The following AASS variants were observed in gnomAD, a reference collection of about 807,000 sequenced individuals.
AASS encodes the protein aminoadipate-semialdehyde synthase.
A neutral mutation model predicts 105.4 loss-of-function variants in AASS; 86 were observed. The observed-to-expected ratio is 0.82, with a 90% CI of 0.69 to 0.98. The LOEUF (loss-of-function observed/expected upper bound fraction) is 0.98, where lower values mean the gene tolerates loss of function less well. Ranked by LOEUF, AASS falls within the 50% of genes least tolerant of loss-of-function variation. The pLI is 0.00. For missense variants in AASS, 1,048 were observed against 1,143.2 expected (o/e 0.92, Z 1.20); for synonymous variants, 381 against 394.8 (o/e 0.96, Z 0.41).
At position 122,141,658 on chromosome 7, in the gene AASS, C is replaced by CAAAA. The variant is rs67469054; in HGVS notation, c.-16+2499_-16+2502dup. Among the ~76,000 whole-genome samples the CAAAA allele has an allele frequency of 1.5e-3, 139 of 94,624 alleles. 2 individuals carry two copies. Among genetic ancestry groups the CAAAA allele is most frequent in the African/African-American group, 4.9e-3 (133 of 27,202 alleles). The allele number at this position is 94,624 out of a possible 152,430, so 62.1% of individuals were successfully genotyped here. Reference sequence around the variant, plus strand: ...AGAGACTCACATCCCCCTAACCCTGCAAAAAAAAAAAAAAAAAAAAAAAAA... The same window carrying CAAAA: ...AGAGACTCACATCCCCCTAACCCTGCAAAAAAAAAAAAAAAAAAAAAAAAAAAAA... On this transcript the variant is annotated intron_variant, in intron 1 of 23. Coordinates refer to ENST00000417368, the MANE Select transcript of AASS (RefSeq NM_005763.4).
chr7:122,074,734 T>C lies in AASS; in HGVS notation c.*1755A>G, dbSNP rs571683686. Among the ~76,000 whole-genome samples the C allele has an allele frequency of 1.7e-4, 26 of 152,366 alleles. 1 individual carries two copies. The South Asian group carries it at 5.4e-3, about 32-fold the overall frequency. On this transcript the variant is annotated 3_prime_UTR_variant, in exon 24 of 24. Coordinates refer to ENST00000417368, the MANE Select transcript of AASS (RefSeq NM_005763.4). The stretch of plus-strand genomic sequence containing the variant: ...AAGCATCATTTAATGAAAAAGACTA[T>C]TTTGCCCCCATTGAATTGTCTTAGC...
At chr7:122,109,054 A>C (rs1794809441) in intron 11 of AASS, among the ~76,000 whole-genome samples, 2 of 152,032 alleles carry the variant, frequency 1.3e-5, no homozygotes, top group South Asian at 4.1e-4. Flanking sequence ...TAGCCACAGC[A>C]AAAATAAGAT....
At chr7:122,107,789 G>A (rs1032329661) in intron 11 of AASS, among the ~76,000 whole-genome samples, 8 of 151,924 alleles carry the variant, frequency 5.3e-5, no homozygotes, top group Non-Finnish European at 8.8e-5. Context: ...CTATTGGGTA[G>A]TAGGCTTAAT....
chr7:122,124,044 T>C (rs895932058), intron 4 of AASS, among the ~76,000 whole-genome samples: 2 of 152,218 alleles, frequency 1.3e-5, no homozygotes, highest in African/African-American at 2.4e-5. Context: ...TAAATACTTA[T>C]AAGAACCACA....
At chr7:122,104,807 A>T (rs1000876482) in intron 11 of AASS, among the ~76,000 whole-genome samples, 26 of 152,158 alleles carry the variant, frequency 1.7e-4, no homozygotes, top group African/African-American at 3.9e-4. Context: ...GTGAAGACTG[A>T]AAAACTACCT....
chr7:122,087,340 A>G (rs1793678902), intron 18 of AASS, among the ~76,000 whole-genome samples: 1 of 152,176 alleles, frequency 6.6e-6, no homozygotes, highest in Non-Finnish European at 1.5e-5. Context: ...TGTTAGGACC[A>G]CTGGAGTCTT....
chr7:122,076,777 A>C (rs1793033667), intron 23 of AASS, among the ~76,000 whole-genome samples, 170 bp from the exon 24 acceptor site: 1 of 152,190 alleles, frequency 6.6e-6, no homozygotes, highest in African/African-American at 2.4e-5. Flanking sequence ...TTACTTATTC[A>C]ACACTTTGTA....
At chr7:122,117,405 T>C (rs532425461) in intron 6 of AASS, among the ~76,000 whole-genome samples, 6 of 152,238 alleles carry the variant, frequency 3.9e-5, no homozygotes, top group East Asian at 1.9e-4. Flanking sequence ...CAAGTTTCTA[T>C]AGGAGATTAC....
chr7:122,132,586 A>T (rs553044664), intron 2 of AASS, among the ~76,000 whole-genome samples: 1 of 152,338 alleles, frequency 6.6e-6, no homozygotes, highest in East Asian at 1.9e-4. Flanking sequence ...GTGACCACAC[A>T]TTGCCAACCA....
chr7:122,108,782 C>T (rs1794790404), intron 11 of AASS, among the ~76,000 whole-genome samples: 1 of 151,450 alleles, frequency 6.6e-6, no homozygotes, highest in Non-Finnish European at 1.5e-5. Flanking sequence ...TGCTACTATT[C>T]AACATAGTAC....
At chr7:122,085,912 G>T (rs1308368510) in intron 19 of AASS, 100 bp downstream of exon 19, 2 of 1,356,698 alleles carry the variant, frequency 1.5e-6, no homozygotes, top group Non-Finnish European at 1.0e-6. Context: ...CTCCAACTTG[G>T]TTTATCATCT....
intron 19 of AASS, 121 bp downstream of exon 19, chr7:122,085,891 G>GA (rs1261348003): frequency 1.8e-6 from 2 of 1,106,014 alleles, no homozygotes; most frequent in Non-Finnish European, 2.7e-6. Context: ...TAAGATTCCT[G>GA]AAAAAATAGA....
chr7:122,135,294 T>C (rs1796093601), intron 1 of AASS, among the ~76,000 whole-genome samples: 1 of 148,562 alleles, frequency 6.7e-6, no homozygotes, highest in Admixed American at 6.7e-5. Flanking sequence ...AGAAAACCAA[T>C]CGACCAAACA....
intron 19 of AASS, among the ~76,000 whole-genome samples, chr7:122,083,069 A>AGG (rs1562903790): frequency 1.6e-4 from 23 of 147,048 alleles, no homozygotes; most frequent in African/African-American, 5.9e-4. Flanking sequence ...AAAGAGAGAG[A>AGG]GGGAAATAAT....
intron 18 of AASS, among the ~76,000 whole-genome samples, chr7:122,088,347 A>C (rs1793727275): frequency 1.3e-5 from 2 of 152,078 alleles, no homozygotes; most frequent in Non-Finnish European, 2.9e-5. Context: ...TCATTTTTTC[A>C]GGGCCTACTA....
At chr7:122,119,431 T>C (rs1030270483) in intron 4 of AASS, among the ~76,000 whole-genome samples, 2 of 152,184 alleles carry the variant, frequency 1.3e-5, no homozygotes, top group Non-Finnish European at 2.9e-5. Flanking sequence ...GCCACCTTTT[T>C]ATGTCTGTCT....
chr7:122,084,086 C>G lies in AASS; in HGVS notation c.2184+1926G>C, dbSNP rs535825300. Reference sequence around the variant, plus strand: ...CTATACTGAAAGCTATATATCCTAACTGCTGGCCAAAAAAAAAAGTTTTTA... The same window carrying G: ...CTATACTGAAAGCTATATATCCTAAGTGCTGGCCAAAAAAAAAAGTTTTTA... On this transcript the variant is annotated intron_variant, in intron 19 of 23. Coordinates refer to ENST00000417368, the MANE Select transcript of AASS (RefSeq NM_005763.4). 2.0e-5 allele frequency among the ~76,000 whole-genome samples: 3 copies of G among 152,008 alleles called. No individual in the cohort carries two copies. The East Asian group carries it at 5.8e-4, about 29-fold the overall frequency.
chr7:122,124,370 C>T (rs1795563178), intron 4 of AASS, among the ~76,000 whole-genome samples: 1 of 152,140 alleles, frequency 6.6e-6, no homozygotes, highest in South Asian at 2.1e-4. Context: ...GCAACCTCCA[C>T]CTCTCAGATT....
intron 23 of AASS, 36 bp from the exon 24 acceptor site, chr7:122,076,643 G>C (rs1179126729): frequency 1.4e-6 from 2 of 1,445,576 alleles, no homozygotes; most frequent in Non-Finnish European, 1.9e-6. Flanking sequence ...CCATTTCAAA[G>C]GTTGTGTCAG....
Sources: allele counts gnomAD v4.1 joint callset (sites outside exome capture counted in the v4.1 genomes callset), GRCh38; gene constraint gnomAD v4.1.1; transcripts MANE v1.5; gene names NCBI Gene and HGNC (gene_info 2026-07-23, HGNC 2026-07-21).